The following RIMBP2 variants were observed in gnomAD, a reference collection of about 807,000 sequenced individuals.
RIMBP2 encodes RIMS-binding protein 2.
Under a neutral mutation model 118.6 loss-of-function variants are expected in RIMBP2, and 48 were observed. The observed-to-expected ratio is 0.40, with a 90% CI of 0.32 to 0.51. The LOEUF (loss-of-function observed/expected upper bound fraction) is 0.51, where lower values mean the gene tolerates loss of function less well. RIMBP2 is among the 20% of genes least tolerant of loss of function. The pLI is 0.41. For synonymous variants in RIMBP2, 762 were observed against 742.9 expected, an observed-to-expected ratio of 1.03 and a Z score of -0.42; for missense variants, 1,551 against 1,768.3, an observed-to-expected ratio of 0.88 and a Z score of 2.20.
At chr12:130,429,979 A>G (rs1004591721) in intron 14 of RIMBP2, 2 of 152,238 alleles carry the variant, frequency 1.3e-5, no homozygotes, top group East Asian at 3.9e-4. Flanking sequence ...GCACAGTCTC[A>G]CTTTATTCAA....
chr12:130,712,296 T>C (rs1181972712), intron 1 of RIMBP2, among the ~76,000 whole-genome samples: 1 of 152,260 alleles, frequency 6.6e-6, no homozygotes, highest in Non-Finnish European at 1.5e-5. Context: ...TTGGACTCTT[T>C]TGTAATAATA....
intron 17 of RIMBP2, 151 bp from the exon 18 acceptor site, chr12:130,414,457 G>A (rs181900780): frequency 2.9e-6 from 2 of 688,272 alleles, no homozygotes; most frequent in African/African-American, 1.8e-5. Flanking sequence ...AAATAGATCG[G>A]GAGGTCTAGG....
Position 130,450,350 on chromosome 12 carries a change from AAGCCCCTCGCAGCTTCC to A in RIMBP2, c.505-91_505-75del. 1.7e-6 allele frequency: 2 copies of A among 1,178,414 alleles called. No individual in the cohort carries two copies. The highest frequency in any genetic ancestry group is 1.2e-6 in the Non-Finnish European group (1 of 805,500). 73.0% of individuals were successfully genotyped at this position (1,178,414 alleles called of 1,614,324 possible). ...CACCCCATTCCCGCGGCACACGGGA[AAGCCCCTCGCAGCTTCC>A]TGGGCCCCAGGAGGGACGGCCTGAG... On this transcript the variant is annotated intron_variant, in intron 8 of 22. Transcript: ENST00000690449. This position sits in a 1 kb window ranked among gnomAD's most constrained non-coding sequence, Gnocchi z 4.8.
At position 130,683,385 on chromosome 12, in the gene RIMBP2, C is replaced by T. The variant is rs187838790; in HGVS notation, c.-352+32837G>A. On this transcript the variant is annotated intron_variant, in intron 1 of 22. Transcript: ENST00000690449. The surrounding 1 kb of genome is among the most constrained non-coding windows in gnomAD (Gnocchi z 4.4). ...CTCAGGCTTCCAGCCTCCAGAGCTG[C>T]GAGAGGATGCATTCAGGTTGTAAAG... Among the ~76,000 whole-genome samples the T allele has an allele frequency of 1.1e-4, 16 of 152,294 alleles. No individual in the cohort carries two copies. Among genetic ancestry groups the T allele is most frequent in the South Asian group, 1.0e-3 (5 of 4,824 alleles).
chr12:130,544,936 T>C (rs545476706), intron 2 of RIMBP2, among the ~76,000 whole-genome samples: 56 of 152,284 alleles, frequency 3.7e-4, no homozygotes, highest in African/African-American at 1.3e-3. Flanking sequence ...TGTAGCACAG[T>C]GCATCAGCTT....
At chr12:130,507,256 A>G (rs1173875368) in intron 3 of RIMBP2, among the ~76,000 whole-genome samples, 1 of 152,214 alleles carries the variant, frequency 6.6e-6, no homozygotes, top group Non-Finnish European at 1.5e-5. Context: ...AACAGAGCCA[A>G]TGAGATAAAC....
At chr12:130,570,889 T>A (rs371285766) in intron 2 of RIMBP2, among the ~76,000 whole-genome samples, 2 of 152,132 alleles carry the variant, frequency 1.3e-5, no homozygotes, top group Non-Finnish European at 2.9e-5. Flanking sequence ...AGCAGGTGGA[T>A]AAAGGAGAAA....
In RIMBP2 at chr12:130,480,236, C is replaced by CACACACACA. The variant is rs57955292; in HGVS notation, c.-3-1221_-3-1220insTGTGTGTGT. Among the ~76,000 whole-genome samples, 4 of 148,876 alleles carry CACACACACA rather than the reference C, an allele frequency of 2.7e-5. No homozygotes were observed. In the South Asian group the frequency reaches 6.5e-4, roughly 24 times the overall value. ...ACACACACACACACACACACACACA[C>CACACACACA]CTGTGGTAACTTCGTGGTCAACATT... On this transcript the variant is annotated intron_variant, in intron 4 of 22. Coordinates refer to ENST00000690449, the MANE Select transcript of RIMBP2 (RefSeq NM_001393629.1).
intron 2 of RIMBP2, among the ~76,000 whole-genome samples, chr12:130,595,023 T>A (rs1317710361): frequency 6.6e-6 from 1 of 152,222 alleles, no homozygotes; most frequent in East Asian, 1.9e-4. Flanking sequence ...CTGCCTTCGT[T>A]ATTAAGGCCA....
chr12:130,646,305 CCCTCACCACTTCCCTCTCCACCTG>C (rs2062942983), intron 1 of RIMBP2, among the ~76,000 whole-genome samples: 6 of 95,234 alleles, frequency 6.3e-5, no homozygotes, highest in African/African-American at 1.4e-4. Context: ...CTCTCCACCT[CCCTCACCACTTCCCTCTCCACCTG>C]CCTCACCACC....
chr12:130,441,531 CA>C (rs2078138728), intron 11 of RIMBP2, among the ~76,000 whole-genome samples: 1 of 151,900 alleles, frequency 6.6e-6, no homozygotes, highest in Admixed American at 6.6e-5. Context: ...AGTATGTGTC[CA>C]GGGGTGCATG....
chr12:130,439,964 T>C (rs1464308782), intron 11 of RIMBP2, among the ~76,000 whole-genome samples: 1 of 151,538 alleles, frequency 6.6e-6, no homozygotes. Context: ...TGTGGGTCTG[T>C]AGGGATGTGT....
intron 1 of RIMBP2, among the ~76,000 whole-genome samples, chr12:130,641,692 GGGAA>G (rs894845660): frequency 1.3e-5 from 2 of 152,202 alleles, no homozygotes; most frequent in African/African-American, 2.4e-5. Context: ...TGGAGTCCTG[GGGAA>G]GGAAGAGGTG....
In RIMBP2 at chr12:130,604,629, G is replaced by C; in HGVS notation, c.-217+23693C>G. Among the ~76,000 whole-genome samples, 3 of 54,400 alleles carry C rather than the reference G, an allele frequency of 5.5e-5. 1 individual carries two copies. In the East Asian group the frequency reaches 2.5e-3, roughly 45 times the overall value. 35.7% of individuals were successfully genotyped at this position (54,400 alleles called of 152,430 possible). ...GACAGAGTCTCGCTCTGTCTCCCAG[G>C]CTGGAGTGCAGTGGCACGATCTCGG... On this transcript the variant is annotated intron_variant, in intron 2 of 22. Coordinates refer to ENST00000690449, the MANE Select transcript of RIMBP2 (RefSeq NM_001393629.1).
At position 130,710,877 on chromosome 12, in the gene RIMBP2, C is replaced by T. The variant is rs186285754; in HGVS notation, c.-352+5345G>A. 2.6e-5 allele frequency among the ~76,000 whole-genome samples: 4 copies of T among 152,378 alleles called. No homozygotes were observed. In the East Asian group the frequency reaches 5.8e-4, roughly 22 times the overall value. ...CCCACTGCTCCCAATCCTCACAGGC[C>T]CCGCACGTCACACGTGGGGTCCCAT... On this transcript the variant is annotated intron_variant, in intron 1 of 22. Transcript: ENST00000690449. The surrounding 1 kb of genome is among the most constrained non-coding windows in gnomAD (Gnocchi z 4.3).
At chr12:130,594,818 G>T (rs2059460652) in intron 2 of RIMBP2, among the ~76,000 whole-genome samples, 3 of 152,194 alleles carry the variant, frequency 2.0e-5, no homozygotes, top group South Asian at 2.1e-4. Context: ...AACTCCCAGA[G>T]ATATTTTGGA....
chr12:130,515,034 G>A (rs1437089580), intron 3 of RIMBP2, among the ~76,000 whole-genome samples: 2 of 151,912 alleles, frequency 1.3e-5, no homozygotes, highest in African/African-American at 2.4e-5. Flanking sequence ...CGGCCACCAC[G>A]CCCGGCTAAT....
At chr12:130,577,602 T>C (rs1020554359) in intron 2 of RIMBP2, among the ~76,000 whole-genome samples, 10 of 152,162 alleles carry the variant, frequency 6.6e-5, no homozygotes, top group Admixed American at 2.0e-4. Context: ...CATAATCCAG[T>C]CGCCTCCCAC....
chr12:130,417,300 G>A (rs1593224119), intron 17 of RIMBP2, among the ~76,000 whole-genome samples: 1 of 152,140 alleles, frequency 6.6e-6, no homozygotes. Flanking sequence ...TATGGTGATC[G>A]CAGCACTGTT....
Sources: allele counts gnomAD v4.1 joint callset (sites outside exome capture counted in the v4.1 genomes callset), GRCh38; gene constraint gnomAD v4.1.1; non-coding constraint Gnocchi (gnomAD v3.1); transcripts MANE v1.5; gene names NCBI Gene and HGNC (gene_info 2026-07-23, HGNC 2026-07-21).